Variants in EVI5L observed in about 807,000 individuals in gnomAD.
EVI5L encodes the protein ecotropic viral integration site 5 like, also known as EVI5-like protein.
A neutral mutation model predicts 106.1 loss-of-function variants in EVI5L; 30 were observed. That is an observed-to-expected ratio of 0.28 (90% CI 0.21 to 0.38). The LOEUF (loss-of-function observed/expected upper bound fraction) is 0.38. EVI5L is among the 10% of genes least tolerant of loss of function. The probability of loss-of-function intolerance (pLI) is 1.00; values close to 1 mark genes in which losing one functional copy is unlikely to be tolerated. For missense variants in EVI5L, 809 were observed against 1,098.0 expected, an observed-to-expected ratio of 0.74 and a Z score of 3.72; for synonymous variants, 489 against 483.3, an observed-to-expected ratio of 1.01 and a Z score of -0.15.
At chr19:7,843,539 C>T (rs1446941334) in intron 1 of EVI5L, among the ~76,000 whole-genome samples, 9 of 86,528 alleles carry the variant, frequency 1.0e-4, no homozygotes, top group East Asian at 7.1e-4. Context: ...ATGGGTGTGT[C>T]GAGTGTGTGC....
At chr19:7,860,787 C>A in intron 14 of EVI5L, 98 bp downstream of exon 14, 1 of 1,324,860 alleles carries the variant, frequency 7.5e-7, no homozygotes, top group Non-Finnish European at 1.0e-6. Flanking sequence ...CAGAATCCCC[C>A]ACCCCCATGC....
chr19:7,863,137 C>G lies in EVI5L; in HGVS notation c.2044-48C>G, dbSNP rs1390972307. On this transcript the variant is annotated intron_variant, in intron 18 of 19. Coordinates refer to ENST00000538904, the MANE Select transcript of EVI5L (RefSeq NM_001159944.3). The surrounding 1 kb of genome is among the most constrained non-coding windows in gnomAD (Gnocchi z 7.7). ...CCCGGGGCAGGAGCGGGGCCGGACC[C>G]CAGGCCCAGCATGGCACTGGCCCCG... The G allele has an allele frequency of 3.9e-6, 6 of 1,539,720 alleles. No homozygotes were observed. Among genetic ancestry groups the G allele is most frequent in the Non-Finnish European group, 5.3e-6 (6 of 1,142,640 alleles).
At chr19:7,832,802 G>A (rs1367774557) in intron 1 of EVI5L, among the ~76,000 whole-genome samples, 3 of 152,308 alleles carry the variant, frequency 2.0e-5, no homozygotes, top group South Asian at 4.1e-4. Context: ...TTCCCAGGAG[G>A]ACCACGGGGA....
intron 1 of EVI5L, among the ~76,000 whole-genome samples, chr19:7,838,357 G>A (rs1339118453): frequency 1.3e-5 from 2 of 151,188 alleles, no homozygotes; most frequent in Non-Finnish European, 1.5e-5. Flanking sequence ...GTGATCCGCC[G>A]GCCTTGGCCT....
At chr19:7,862,931 C>T (rs918320609) in intron 17 of EVI5L, 41 bp from the exon 18 acceptor site, 1 of 1,371,358 alleles carries the variant, frequency 7.3e-7, no homozygotes, top group Non-Finnish European at 9.9e-7. Context: ...GCGCCGCGCC[C>T]CCTGACCCGC....
Position 7,856,955 on chromosome 19 carries a change from C to G in EVI5L, c.1201-137C>G. On this transcript the variant is annotated intron_variant, in intron 11 of 19. Transcript: ENST00000538904. This position sits in a 1 kb window ranked among gnomAD's most constrained non-coding sequence, Gnocchi z 6.6. Reference sequence around the variant, plus strand: ...CCTCTCCTGCTGGTTCTCTGGTCTTCCCTCCTCTCTCCCCCGCTTCTAGAG... The same window carrying G: ...CCTCTCCTGCTGGTTCTCTGGTCTTGCCTCCTCTCTCCCCCGCTTCTAGAG... 1.2e-5 allele frequency: 11 copies of G among 889,956 alleles called. No individual in the cohort carries two copies. Among genetic ancestry groups the G allele is most frequent in the Non-Finnish European group, 1.6e-5 (9 of 550,786 alleles). 55.1% of individuals were successfully genotyped at this position (889,956 alleles called of 1,614,324 possible).
At position 7,863,136 on chromosome 19, in the gene EVI5L, C is replaced by A; in HGVS notation, c.2044-49C>A. On this transcript the variant is annotated intron_variant, in intron 18 of 19. Coordinates refer to ENST00000538904, the MANE Select transcript of EVI5L (RefSeq NM_001159944.3). The surrounding 1 kb of genome is among the most constrained non-coding windows in gnomAD (Gnocchi z 7.7). Reference sequence around the variant, plus strand: ...GCCCGGGGCAGGAGCGGGGCCGGACCCCAGGCCCAGCATGGCACTGGCCCC... The same window carrying A: ...GCCCGGGGCAGGAGCGGGGCCGGACACCAGGCCCAGCATGGCACTGGCCCC... The A allele has an allele frequency of 6.5e-7, 1 of 1,540,010 alleles. No homozygotes were observed. Among genetic ancestry groups the A allele is most frequent in the Non-Finnish European group, 8.7e-7 (1 of 1,143,082 alleles).
Position 7,835,067 on chromosome 19 carries a change from T to C in EVI5L, c.-48+4686T>C, listed in dbSNP as rs954520543. On this transcript the variant is annotated intron_variant, in intron 1 of 19. Coordinates refer to ENST00000538904, the MANE Select transcript of EVI5L (RefSeq NM_001159944.3). This position sits in a 1 kb window ranked among gnomAD's most constrained non-coding sequence, Gnocchi z 4.1. ...CAGGAGAATCACTTGAGCTCAGGAG[T>C]TGGAGCCTGCAGTTGGCTATGATTG... Among the ~76,000 whole-genome samples the C allele has an allele frequency of 2.0e-5, 3 of 149,736 alleles. No homozygotes were observed. Among genetic ancestry groups the C allele is most frequent in the African/African-American group, 7.4e-5 (3 of 40,584 alleles).
intron 1 of EVI5L, among the ~76,000 whole-genome samples, chr19:7,833,132 C>T (rs891662872): frequency 2.6e-5 from 4 of 152,132 alleles, no homozygotes; most frequent in Non-Finnish European, 4.4e-5. Context: ...AGACTGGGCT[C>T]GTGGAGCTGC....
Position 7,850,378 on chromosome 19 carries a change from G to T in EVI5L, c.753+256G>T, listed in dbSNP as rs1296635545. On this transcript the variant is annotated intron_variant, in intron 6 of 19. Coordinates refer to ENST00000538904, the MANE Select transcript of EVI5L (RefSeq NM_001159944.3). The surrounding 1 kb of genome is among the most constrained non-coding windows in gnomAD (Gnocchi z 5.4). ...GCCACCACTGAAGGGGGGCTCCCAG[G>T]GCTGCTGAGGCAGAGGGGTGGGGCA... Among the ~76,000 whole-genome samples the T allele has an allele frequency of 6.6e-6, 1 of 152,176 alleles. No individual in the cohort carries two copies. Among genetic ancestry groups the T allele is most frequent in the Admixed American group, 6.5e-5 (1 of 15,284 alleles).
chr19:7,837,562 G>C (rs1978394503), intron 1 of EVI5L, among the ~76,000 whole-genome samples: 1 of 151,994 alleles, frequency 6.6e-6, no homozygotes, highest in African/African-American at 2.4e-5. Context: ...TTTTTTCCCA[G>C]TAACCTTCTT....
chr19:7,851,903 TC>T, intron 8 of EVI5L, 133 bp downstream of exon 8: 1 of 769,902 alleles, frequency 1.3e-6, no homozygotes, highest in Non-Finnish European at 1.9e-6. Context: ...CCTGATCTGT[TC>T]CCATCCACTC....
chr19:7,843,862 C>T (rs1978825429), intron 1 of EVI5L, among the ~76,000 whole-genome samples: 1 of 151,822 alleles, frequency 6.6e-6, no homozygotes, highest in South Asian at 2.1e-4. Context: ...GGATGGTTTC[C>T]ACTGAGAGAG....
chr19:7,860,922 C>A (rs1979771805), intron 14 of EVI5L, among the ~76,000 whole-genome samples: 1 of 152,262 alleles, frequency 6.6e-6, no homozygotes, highest in South Asian at 2.1e-4. Context: ...TGCATCCCAC[C>A]TGTGTGTGTT....
chr19:7,840,165 G>A (rs1391041694), intron 1 of EVI5L, among the ~76,000 whole-genome samples: 3 of 152,144 alleles, frequency 2.0e-5, no homozygotes, highest in Admixed American at 1.3e-4. Context: ...CCGCATGAGG[G>A]GCCAGAAGGG....
chr19:7,844,775 T>C (rs1978876257), intron 1 of EVI5L, among the ~76,000 whole-genome samples: 1 of 152,150 alleles, frequency 6.6e-6, no homozygotes, highest in Non-Finnish European at 1.5e-5. Context: ...CCCGGCAGAC[T>C]AGGGGAACGC....
intron 1 of EVI5L, among the ~76,000 whole-genome samples, chr19:7,843,864 C>T (rs566705087): frequency 6.6e-6 from 1 of 151,962 alleles, no homozygotes; most frequent in South Asian, 2.1e-4. Context: ...ATGGTTTCCA[C>T]TGAGAGAGTC....
intron 14 of EVI5L, among the ~76,000 whole-genome samples, 186 bp from the exon 15 acceptor site, chr19:7,861,692 G>C (rs1979804702): frequency 6.6e-6 from 1 of 152,144 alleles, no homozygotes; most frequent in Non-Finnish European, 1.5e-5. Flanking sequence ...TTTTATAGCT[G>C]AGGAACTCCA....
At chr19:7,832,723 T>C (rs1447516078) in intron 1 of EVI5L, among the ~76,000 whole-genome samples, 2 of 152,036 alleles carry the variant, frequency 1.3e-5, no homozygotes, top group Non-Finnish European at 2.9e-5. Flanking sequence ...GGGAGCCAGC[T>C]CGAATCAGAG....
Sources: gnomAD v4.1 joint callset for allele counts (sites outside exome capture counted in the v4.1 genomes callset) on GRCh38, gnomAD v4.1.1 for gene constraint, Gnocchi (gnomAD v3.1) non-coding constraint, MANE v1.5 for transcripts, NCBI Gene and HGNC (gene_info 2026-07-23, HGNC 2026-07-21) for gene names.